Variants in SNAPC1 observed in about 807,000 individuals in gnomAD.
The protein encoded by SNAPC1 is snRNA-activating protein complex subunit 1.
In SNAPC1, 42 loss-of-function variants were observed where a neutral mutation model predicts 50.1. The ratio of observed to expected loss-of-function variants is 0.84; its 90% CI spans 0.65 to 1.08. The LOEUF is 1.08. SNAPC1 is among the 50% of genes least tolerant of loss of function. The pLI is 0.00. For missense variants in SNAPC1, 477 were observed against 427.3 expected, an observed-to-expected ratio of 1.12 and a Z score of -1.02; for synonymous variants, 164 against 144.2, an observed-to-expected ratio of 1.14 and a Z score of -0.98.
intron 7 of SNAPC1, among the ~76,000 whole-genome samples, chr14:61,779,365 A>G (rs2045055755): frequency 6.6e-6 from 1 of 152,094 alleles, no homozygotes; most frequent in South Asian, 2.1e-4. Context: ...TTTCTTTGAT[A>G]CAAATATTCT....
At position 61,767,194 on chromosome 14, in the gene SNAPC1, T is replaced by A. The variant is rs1293429532; in HGVS notation, c.289-18T>A. The A allele has an allele frequency of 3.5e-6, 5 of 1,419,616 alleles. No homozygotes were observed. Among genetic ancestry groups the A allele is most frequent in the Non-Finnish European group, 4.6e-6 (5 of 1,080,894 alleles). 87.9% of individuals were successfully genotyped at this position (1,419,616 alleles called of 1,614,324 possible). ...AATATTTACATTTAGTACAACTTTTTTTTCTTCCTGGTTGCAGATCAGAGT... is the reference window on the plus strand; with the variant it reads ...AATATTTACATTTAGTACAACTTTTATTTCTTCCTGGTTGCAGATCAGAGT... On this transcript the variant is annotated intron_variant, in intron 2 of 9. Transcript: ENST00000216294.
At chr14:61,776,294 CA>C (rs2140179333) in intron 5 of SNAPC1, 41 bp downstream of exon 5, 1 of 1,547,548 alleles carries the variant, frequency 6.5e-7, no homozygotes, top group Non-Finnish European at 8.9e-7. Flanking sequence ...TTGTATTTTA[CA>C]CGAATGTTTA....
chr14:61,791,093 C>A (rs1447305292), intron 8 of SNAPC1, among the ~76,000 whole-genome samples: 1 of 152,170 alleles, frequency 6.6e-6, no homozygotes, highest in African/African-American at 2.4e-5. Context: ...CTCACTGCAA[C>A]CTCCGCCTCC....
Position 61,776,124 on chromosome 14 carries a change from G to T in SNAPC1, c.564G>T (p.Gln188His). The change falls in exon 5 of 10, where the codon CAG (glutamine) becomes CAT (histidine). Residue 188 changes from glutamine (Q) to histidine (H), a missense_variant. By Grantham distance (24) the Gln-to-His change is conservative (BLOSUM62 0). Transcript: ENST00000216294. ...EEMLNVHDHYQNMKHVISVDK... is the reference protein window; with the variant it reads ...EEMLNVHDHYHNMKHVISVDK... ...TGCTGAATGTTCATGATCATTATCA[G>T]AACATGAAACATGTAATTTCAGTTG... The T allele has an allele frequency of 1.2e-6, 2 of 1,604,654 alleles. No homozygotes were observed. Among genetic ancestry groups the T allele is most frequent in the Non-Finnish European group, 1.7e-6 (2 of 1,178,108 alleles).
chr14:61,782,199 T>G (rs1327351234), intron 7 of SNAPC1, 48 bp from the exon 8 acceptor site: 1 of 1,348,578 alleles, frequency 7.4e-7, no homozygotes, highest in Non-Finnish European at 1.0e-6. Flanking sequence ...ATTTTATCAT[T>G]TGGATTCATT....
intron 8 of SNAPC1, among the ~76,000 whole-genome samples, chr14:61,783,528 GTTTTTTT>G (rs577941212): frequency 1.5e-4 from 17 of 110,140 alleles, no homozygotes; most frequent in African/African-American, 5.7e-4. Context: ...GTTTGGTTTG[GTTTTTTT>G]TTTTTTTTTT....
intron 4 of SNAPC1, among the ~76,000 whole-genome samples, chr14:61,772,402 G>A (rs1358865646): frequency 6.6e-6 from 1 of 152,174 alleles, no homozygotes; most frequent in East Asian, 1.9e-4. Flanking sequence ...GTGCCACCAC[G>A]CTGGGCTAAT....
At chr14:61,765,665 G>A (rs954243572) in intron 1 of SNAPC1, among the ~76,000 whole-genome samples, 1 of 152,128 alleles carries the variant, frequency 6.6e-6, no homozygotes, top group African/African-American at 2.4e-5. Flanking sequence ...AATGGGAGAG[G>A]TTTGCCCTAA....
At chr14:61,764,212 A>G (rs149612907) in intron 1 of SNAPC1, among the ~76,000 whole-genome samples, 12 of 152,352 alleles carry the variant, frequency 7.9e-5, no homozygotes, top group African/African-American at 2.9e-4. Flanking sequence ...CTCTGTGAGG[A>G]CAGTGACTGG....
intron 4 of SNAPC1, among the ~76,000 whole-genome samples, chr14:61,773,397 GTTTTTT>G (rs58782943): frequency 4.0e-5 from 4 of 99,324 alleles, no homozygotes; most frequent in African/African-American, 7.9e-5. Flanking sequence ...TATTTCCTTA[GTTTTTT>G]TTTTTTTTTT....
intron 8 of SNAPC1, among the ~76,000 whole-genome samples, chr14:61,787,701 A>G (rs2045125073): frequency 1.3e-5 from 2 of 152,232 alleles, no homozygotes; most frequent in South Asian, 4.1e-4. Flanking sequence ...AGCTATTGTT[A>G]AGGCACATAC....
In SNAPC1 at chr14:61,762,501, T is replaced by A. The variant is rs1174255290; in HGVS notation, c.41T>A (p.Leu14Gln). The change falls in exon 1 of 10, where the codon CTG becomes CAG. Residue 14 changes from leucine to glutamine, a missense_variant. By Grantham distance (113) the Leu-to-Gln change is moderately radical. Coordinates refer to ENST00000216294, the MANE Select transcript of SNAPC1 (RefSeq NM_003082.4). ...GGCCTGCAGACCGACTGCGAGGCGC[T>A]GCTCAGCCGCTTCCAGGAGACGGAC... is the stretch of plus-strand genomic sequence containing the variant. Reference protein sequence around the residue: ...PPGLQTDCEALLSRFQETDSV... With the variant: ...PPGLQTDCEAQLSRFQETDSV... 7.0e-7 allele frequency: 1 copy of A among 1,427,692 alleles called. No individual in the cohort carries two copies. Among genetic ancestry groups the A allele is most frequent in the South Asian group, 1.5e-5 (1 of 65,812 alleles). 88.4% of individuals were successfully genotyped at this position (1,427,692 alleles called of 1,614,324 possible).
intron 1 of SNAPC1, among the ~76,000 whole-genome samples, chr14:61,764,200 A>T (rs905454365): frequency 4.6e-5 from 7 of 152,220 alleles, no homozygotes; most frequent in Non-Finnish European, 8.8e-5. Flanking sequence ...GACTAGACTG[A>T]CCTCTGTGAG....
At chr14:61,775,488 TG>T (rs1460717991) in intron 4 of SNAPC1, among the ~76,000 whole-genome samples, 1 of 152,068 alleles carries the variant, frequency 6.6e-6, no homozygotes, top group Admixed American at 6.5e-5. Context: ...ACTCCTGATC[TG>T]GTGATTCTCC....
chr14:61,765,638 G>GT (rs2044941512), intron 1 of SNAPC1, among the ~76,000 whole-genome samples: 3 of 152,196 alleles, frequency 2.0e-5, no homozygotes, highest in African/African-American at 7.2e-5. Context: ...AGTGAGCCGA[G>GT]AAGTCACTTT....
At chr14:61,785,700 C>T (rs763172101) in intron 8 of SNAPC1, among the ~76,000 whole-genome samples, 14 of 152,140 alleles carry the variant, frequency 9.2e-5, no homozygotes, top group Non-Finnish European at 4.4e-5. Flanking sequence ...TGGGGGCTTC[C>T]AGGTTAGAAG....
At position 61,776,237 on chromosome 14, in the gene SNAPC1, G is replaced by A. The variant is rs1179370859; in HGVS notation, c.677G>A (p.Trp226Ter). Reference protein sequence around the residue: ...IKNIVLEHQQWHKDRKNPSLK... With the variant: ...IKNIVLEHQQ ...AACATAGTTTTGGAGCATCAGCAGT[G>A]GCACAAAGACAGAAAGGTATGCAAT... Residue 226 changes from tryptophan (W) to a stop codon, truncating the protein, a stop_gained, in exon 5 of 10, where the codon TGG becomes TAG. Transcript: ENST00000216294. LOFTEE classifies it high-confidence loss of function. 4.3e-6 allele frequency: 7 copies of A among 1,611,990 alleles called. No individual in the cohort carries two copies. The highest frequency in any genetic ancestry group is 2.2e-5 in the South Asian group (2 of 90,574).
intron 4 of SNAPC1, among the ~76,000 whole-genome samples, chr14:61,769,478 A>G (rs2044972741): frequency 1.4e-5 from 2 of 139,836 alleles, no homozygotes; most frequent in Admixed American, 1.5e-4. Flanking sequence ...GCTCATTGTA[A>G]CCTCCGCCTC....
At chr14:61,778,161 A>G (rs1241071678) in intron 6 of SNAPC1, 21 bp downstream of exon 6, 2 of 1,472,850 alleles carry the variant, frequency 1.4e-6, no homozygotes, top group Non-Finnish European at 1.9e-6. Context: ...TTTGCAATTC[A>G]TATTATGTGT....
Sources: allele counts gnomAD v4.1 joint callset (sites outside exome capture counted in the v4.1 genomes callset), GRCh38; gene constraint gnomAD v4.1.1; transcripts MANE v1.5; gene names NCBI Gene and HGNC (gene_info 2026-07-23, HGNC 2026-07-21).